RBFOX1: variants seen among roughly 807,000 people sequenced by gnomAD.
The protein encoded by RBFOX1 is RNA binding protein fox-1 homolog 1.
RBFOX1 carries 8 observed loss-of-function variants against 57.7 expected under a neutral mutation model. The observed-to-expected ratio is 0.14, with a 90% CI of 0.08 to 0.25. The LOEUF is 0.25. RBFOX1 is among the 10% of genes least tolerant of loss of function. RBFOX1 has a pLI of 1.00. For synonymous variants in RBFOX1, 326 were observed against 222.4 expected (o/e 1.47, Z -4.15); for missense variants, 611 against 548.5 (o/e 1.11, Z -1.14).
chr16:5,790,085 C>G (rs1011035226), intron 3 of RBFOX1, among the ~76,000 whole-genome samples: 5 of 152,236 alleles, frequency 3.3e-5, no homozygotes, highest in Non-Finnish European at 5.9e-5. Context: ...AGGCTGCTAC[C>G]ACTCAGCAGG....
At chr16:6,694,888 A>G (rs71374905) in intron 3 of RBFOX1, among the ~76,000 whole-genome samples, 3,523 of 151,986 alleles carry the variant, frequency 0.023, 73 homozygotes, top group Middle Eastern at 0.041. Flanking sequence ...CAACACACAG[A>G]AGACAGCATG....
intron 4 of RBFOX1, among the ~76,000 whole-genome samples, chr16:5,925,654 T>C (rs2058924717): frequency 6.6e-6 from 1 of 151,906 alleles, no homozygotes; most frequent in South Asian, 2.1e-4. Flanking sequence ...ATGTTATGTG[T>C]ATTTTACCAC....
chr16:7,653,778 C>A (rs745958747), intron 11 of RBFOX1, 37 bp from the exon 12 acceptor site: 2 of 1,562,498 alleles, frequency 1.3e-6, no homozygotes, highest in South Asian at 2.2e-5. Flanking sequence ...CATCTGACAG[C>A]CTGTGCTCTC....
At chr16:6,237,528 G>C (rs1567744666) in intron 1 of RBFOX1, among the ~76,000 whole-genome samples, 1 of 152,076 alleles carries the variant, frequency 6.6e-6, no homozygotes, top group Non-Finnish European at 1.5e-5. Context: ...TGGATTACGA[G>C]GTCAGGAGTT....
At chr16:6,408,749 C>G (rs898142147) in intron 2 of RBFOX1, among the ~76,000 whole-genome samples, 1 of 152,112 alleles carries the variant, frequency 6.6e-6, no homozygotes, top group Non-Finnish European at 1.5e-5. Context: ...ATTGAATTCA[C>G]AGGTCAAACA....
chr16:7,170,605 G>T (rs777616798), intron 4 of RBFOX1, among the ~76,000 whole-genome samples: 1 of 152,158 alleles, frequency 6.6e-6, no homozygotes, highest in East Asian at 1.9e-4. Flanking sequence ...TGGATCACCT[G>T]TTTAATTCTC....
intron 4 of RBFOX1, among the ~76,000 whole-genome samples, chr16:7,198,647 G>A (rs557347343): frequency 1.5e-4 from 23 of 152,260 alleles, no homozygotes; most frequent in African/African-American, 4.8e-4. Context: ...ATCACATGGT[G>A]GAAGGGCAAG....
At chr16:7,479,007 C>T (rs1477004393) in intron 4 of RBFOX1, among the ~76,000 whole-genome samples, 1 of 152,074 alleles carries the variant, frequency 6.6e-6, no homozygotes, top group Non-Finnish European at 1.5e-5. Context: ...ACGTACCAGC[C>T]ACTGTGAGAG....
In RBFOX1 at chr16:7,080,091, G is replaced by GTA. The variant is rs949830028; in HGVS notation, c.27+28004_27+28005dup. Among the ~76,000 whole-genome samples, 57 of 137,778 alleles carry GTA rather than the reference G, an allele frequency of 4.1e-4. 1 individual carries two copies. Among genetic ancestry groups the GTA allele is most frequent in the Middle Eastern group, 3.8e-3 (1 of 264 alleles). The allele number at this position is 137,778 out of a possible 152,430, so 90.4% of individuals were successfully genotyped here. On this transcript the variant is annotated intron_variant, in intron 4 of 15. Transcript: ENST00000550418. ...TATACATATATACATATGTATATAT[G>GTA]TATATATATATAAAACCACAATTTA...
chr16:6,208,062 A>G (rs543693686), intron 1 of RBFOX1, among the ~76,000 whole-genome samples: 55 of 152,012 alleles, frequency 3.6e-4, no homozygotes, highest in Admixed American at 2.6e-4. Flanking sequence ...ATGTGTGTAT[A>G]TATATAGTCT....
At chr16:6,796,377 T>C (rs932385277) in intron 3 of RBFOX1, among the ~76,000 whole-genome samples, 1 of 152,112 alleles carries the variant, frequency 6.6e-6, no homozygotes, top group African/African-American at 2.4e-5. Context: ...ACTATAGTCA[T>C]TTTTTGGCAA....
At chr16:5,560,254 C>G (rs1471865053) in intron 2 of RBFOX1, among the ~76,000 whole-genome samples, 1 of 151,994 alleles carries the variant, frequency 6.6e-6, no homozygotes, top group Non-Finnish European at 1.5e-5. Context: ...CCAGAAAGCA[C>G]TTAGTCACCT....
chr16:5,289,506 A>T (rs755133195), intron 1 of RBFOX1: 7 of 195,038 alleles, frequency 3.6e-5, no homozygotes, highest in Middle Eastern at 1.9e-3. Flanking sequence ...TATTTTATAC[A>T]TGTAGACCTG....
intron 3 of RBFOX1, among the ~76,000 whole-genome samples, chr16:6,940,364 C>T (rs997685686): frequency 2.0e-5 from 3 of 152,156 alleles, no homozygotes; most frequent in African/African-American, 7.2e-5. Context: ...AACTACATTG[C>T]TCACTTCCCA....
At chr16:6,981,722 C>T (rs948046172) in intron 3 of RBFOX1, among the ~76,000 whole-genome samples, 3 of 152,102 alleles carry the variant, frequency 2.0e-5, no homozygotes, top group African/African-American at 4.8e-5. Context: ...ATCCTGAGAA[C>T]AGCACATGAA....
At chr16:6,478,408 TATATATATATATATATA>T (rs1425337413) in intron 2 of RBFOX1, among the ~76,000 whole-genome samples, 45 of 22,308 alleles carry the variant, frequency 2.0e-3, no homozygotes, top group African/African-American at 8.3e-3. Flanking sequence ...TATATATATA[TATATATATATATATATA>T]TATATTTTTT....
chr16:5,408,518 G>A (rs1474229723), intron 1 of RBFOX1, among the ~76,000 whole-genome samples: 1 of 152,204 alleles, frequency 6.6e-6, no homozygotes, highest in Non-Finnish European at 1.5e-5. Context: ...TGGTTTCTGA[G>A]GGATCTCTCT....
At position 7,011,502 on chromosome 16, in the gene RBFOX1, G is replaced by A. The variant is rs147376994; in HGVS notation, c.-15-40555G>A. Among the ~76,000 whole-genome samples the A allele has an allele frequency of 3.6e-3, 539 of 151,678 alleles. 6 individuals are homozygous for A. Among genetic ancestry groups the A allele is most frequent in the African/African-American group, 0.011 (445 of 41,146 alleles). ...GTGTGTTTGTTTGTTTTTGTTGTGC[G>A]TTTGTTTTGTTTTGTTTTGTTTGTT... On this transcript the variant is annotated intron_variant, in intron 3 of 15. Transcript: ENST00000550418.
chr16:6,692,792 T>C (rs1158903812), intron 3 of RBFOX1, among the ~76,000 whole-genome samples: 1 of 152,112 alleles, frequency 6.6e-6, no homozygotes, highest in African/African-American at 2.4e-5. Flanking sequence ...ATGATCATTG[T>C]CACTATCAGT....
Sources: allele counts gnomAD v4.1 joint callset (sites outside exome capture counted in the v4.1 genomes callset), GRCh38; gene constraint gnomAD v4.1.1; transcripts MANE v1.5; gene names NCBI Gene and HGNC (gene_info 2026-07-23, HGNC 2026-07-21).